THADA: variants seen among roughly 807,000 people sequenced by gnomAD.
THADA encodes THADA armadillo repeat containing, also known as tRNA (32-2'-O)-methyltransferase regulator THADA.
THADA carries 213 observed loss-of-function variants against 219.8 expected under a neutral mutation model. The observed-to-expected ratio is 0.97, with a 90% CI of 0.87 to 1.09. THADA has a LOEUF of 1.09. THADA is among the 50% of genes least tolerant of loss of function. The pLI is 0.00. For missense variants in THADA, 2,956 were observed against 2,311.3 expected (o/e 1.28, Z -5.72); for synonymous variants, 1,018 against 828.9 (o/e 1.23, Z -3.92).
intron 10 of THADA, 113 bp from the exon 11 acceptor site, chr2:43,575,140 C>A: frequency 1.2e-6 from 1 of 820,698 alleles, no homozygotes; most frequent in East Asian, 2.8e-5. Flanking sequence ...CCACAAATTT[C>A]AATTATTAAA....
chr2:43,304,585 C>A (rs1266576557), intron 31 of THADA, among the ~76,000 whole-genome samples: 1 of 152,028 alleles, frequency 6.6e-6, no homozygotes, highest in Admixed American at 6.5e-5. Flanking sequence ...CATAACTGTT[C>A]TAAAGTTTTC....
At chr2:43,279,963 C>CAA in intron 35 of THADA, 67 bp from the exon 36 acceptor site, 3 of 1,389,010 alleles carry the variant, frequency 2.2e-6, no homozygotes, top group Non-Finnish European at 2.8e-6. Flanking sequence ...AATACTGCTT[C>CAA]AAATCCCTGG....
At chr2:43,299,911 C>G (rs1007076492) in intron 31 of THADA, among the ~76,000 whole-genome samples, 1 of 151,244 alleles carries the variant, frequency 6.6e-6, no homozygotes, top group African/African-American at 2.4e-5. Context: ...GCCTGTAATC[C>G]CAGCTACTCC....
rs188693982 is a variant in THADA, at chr2:43,322,778, C to T, written c.4344-2238G>A. ...TTGGCTCACTGCAAGCCCCACCTGC[C>T]GGGTTCATGCCATTCTCCTGCCTCA... is the stretch of plus-strand genomic sequence containing the variant. On this transcript the variant is annotated intron_variant, in intron 30 of 37. Coordinates refer to ENST00000405975, the MANE Select transcript of THADA (RefSeq NM_022065.5). 5.8e-3 allele frequency among the ~76,000 whole-genome samples: 835 copies of T among 145,126 alleles called. 9 individuals are homozygous for T. The highest frequency in any genetic ancestry group is 5.3e-3 in the Non-Finnish European group (356 of 66,992).
At chr2:43,381,607 G>A (rs1672040872) in intron 29 of THADA, among the ~76,000 whole-genome samples, 1 of 149,410 alleles carries the variant, frequency 6.7e-6, no homozygotes, top group South Asian at 2.1e-4. Context: ...TTCCGACGGA[G>A]TCTCACTCTG....
At chr2:43,446,986 C>T (rs1007004614) in intron 26 of THADA, among the ~76,000 whole-genome samples, 7 of 152,072 alleles carry the variant, frequency 4.6e-5, no homozygotes, top group African/African-American at 9.7e-5. Flanking sequence ...CGTATTAGTC[C>T]GTTTTCATGC....
chr2:43,531,283 G>GGGTA (rs1693830615), intron 21 of THADA, among the ~76,000 whole-genome samples: 1 of 152,198 alleles, frequency 6.6e-6, no homozygotes, highest in Non-Finnish European at 1.5e-5. Context: ...AAATGAAAGA[G>GGGTA]GGTAATTAAC....
At chr2:43,475,380 GCC>G in intron 26 of THADA, among the ~76,000 whole-genome samples, 1 of 134,696 alleles carries the variant, frequency 7.4e-6, no homozygotes, top group South Asian at 2.2e-4. Flanking sequence ...GGTTGTGCCA[GCC>G]ACTGCACTCC....
intron 31 of THADA, among the ~76,000 whole-genome samples, chr2:43,296,841 G>A (rs1057215020): frequency 2.7e-5 from 4 of 150,806 alleles, no homozygotes; most frequent in African/African-American, 7.4e-5. Context: ...TGTAATTAAC[G>A]GCCGCCCGGG....
At chr2:43,513,779 A>G (rs1488261369) in intron 22 of THADA, among the ~76,000 whole-genome samples, 1 of 152,196 alleles carries the variant, frequency 6.6e-6, no homozygotes, top group African/African-American at 2.4e-5. Flanking sequence ...AGACAACCTA[A>G]AAAAATCAGT....
chr2:43,541,366 A>G, intron 20 of THADA, 50 bp from the exon 21 acceptor site: 1 of 1,597,816 alleles, frequency 6.3e-7, no homozygotes, highest in East Asian at 2.2e-5. Flanking sequence ...CTCATATCCC[A>G]GGTTTCTAAA....
chr2:43,429,272 A>G (rs1263586398), intron 27 of THADA, among the ~76,000 whole-genome samples: 1 of 151,366 alleles, frequency 6.6e-6, no homozygotes, highest in Non-Finnish European at 1.5e-5. Context: ...CAGCCTGGCT[A>G]ATATTTGTAT....
intron 26 of THADA, among the ~76,000 whole-genome samples, chr2:43,442,695 G>GAGC (rs776935518): frequency 2.0e-4 from 31 of 152,062 alleles, no homozygotes; most frequent in Non-Finnish European, 2.2e-4. Flanking sequence ...TATGTTACAA[G>GAGC]AGCAGATGGA....
chr2:43,483,772 T>C (rs1308723433), intron 26 of THADA, among the ~76,000 whole-genome samples: 4 of 151,438 alleles, frequency 2.6e-5, no homozygotes, highest in East Asian at 1.9e-4. Context: ...TATATTTATA[T>C]ATATATTCAA....
intron 20 of THADA, among the ~76,000 whole-genome samples, chr2:43,547,913 T>C (rs1696245448): frequency 6.6e-6 from 1 of 152,256 alleles, no homozygotes; most frequent in Admixed American, 6.5e-5. Flanking sequence ...GGTGAGGAGC[T>C]GCATTCCTTT....
intron 34 of THADA, among the ~76,000 whole-genome samples, chr2:43,290,949 G>C (rs1483775158): frequency 6.6e-6 from 1 of 152,054 alleles, no homozygotes; most frequent in Non-Finnish European, 1.5e-5. Context: ...AGCCAGCTGG[G>C]CCATGTTCTG....
chr2:43,336,270 A>AT (rs1354501557), intron 30 of THADA, among the ~76,000 whole-genome samples: 15 of 149,334 alleles, frequency 1.0e-4, no homozygotes, highest in East Asian at 2.0e-4. Flanking sequence ...CAAAAAAACC[A>AT]TTTTTTTTTG....
chr2:43,575,105 T>C, intron 10 of THADA, 78 bp from the exon 11 acceptor site: 7 of 1,088,920 alleles, frequency 6.4e-6, no homozygotes, highest in South Asian at 2.1e-5. Flanking sequence ...ATTTAGACTT[T>C]AAAAATATTA....
At chr2:43,430,370 T>G (rs536514575) in intron 26 of THADA, 68 bp from the exon 27 acceptor site, 2 of 874,180 alleles carry the variant, frequency 2.3e-6, no homozygotes, top group Non-Finnish European at 3.5e-6. Flanking sequence ...AGCCTTTTTT[T>G]TAAAAAAAGG....
Sources: allele counts gnomAD v4.1 joint callset (sites outside exome capture counted in the v4.1 genomes callset), GRCh38; gene constraint gnomAD v4.1.1; transcripts MANE v1.5; gene names NCBI Gene and HGNC (gene_info 2026-07-23, HGNC 2026-07-21).